The following SETX variants were observed in gnomAD, a reference collection of about 807,000 sequenced individuals.
SETX encodes helicase senataxin.
SETX carries 90 observed loss-of-function variants against 227.2 expected under a neutral mutation model. That is an observed-to-expected ratio of 0.40 (90% CI 0.33 to 0.47). The LOEUF (loss-of-function observed/expected upper bound fraction) is 0.47, where lower values mean the gene tolerates loss of function less well. SETX is among the 20% of genes least tolerant of loss of function. The probability of loss-of-function intolerance (pLI) is 0.91; values close to 1 mark genes in which losing one functional copy is unlikely to be tolerated. For missense variants in SETX, 3,052 were observed against 3,181.5 expected (o/e 0.96, Z 0.98); for synonymous variants, 1,210 against 1,113.2 (o/e 1.09, Z -1.73).
In SETX at chr9:132,346,305, A is replaced by T. The variant is rs1848284240; in HGVS notation, c.344T>A (p.Leu115His). The T allele has an allele frequency of 6.2e-7, 1 of 1,614,098 alleles. No individual in the cohort carries two copies. Among genetic ancestry groups the T allele is most frequent in the Non-Finnish European group, 8.5e-7 (1 of 1,179,988 alleles). ...CAAGTAAGGATATTTCAGTATTTCAAGAAGAGGAACTCGAAGCTTATTTTC... is the reference window on the plus strand; with the variant it reads ...CAAGTAAGGATATTTCAGTATTTCATGAAGAGGAACTCGAAGCTTATTTTC... ...DFENKLRVPL[L>H]EILKYPYLLL... The change falls in exon 4 of 26, where the codon CTT becomes CAT. Residue 115 changes from leucine to histidine, a missense_variant. By Grantham distance (99) the Leu-to-His change is moderately conservative. This residue lies in a region of SETX where 152 missense variants were observed against 156.2 expected (regional missense o/e 0.97). Transcript: ENST00000224140.
In SETX at chr9:132,326,469, T is replaced by C. The variant is rs377671955; in HGVS notation, c.5129A>G (p.Tyr1710Cys). The change falls in exon 10 of 26, where the codon TAT becomes TGT. Residue 1710 changes from tyrosine (Y) to cysteine (C), a missense_variant. Around this residue, in one of 10 missense-constraint regions of SETX, gnomAD observed 1,483 missense variants for 1,312.0 expected, o/e 1.13. Coordinates refer to ENST00000224140, the MANE Select transcript of SETX (RefSeq NM_015046.7). ...TFVKEVLKWK[Y>C]EMFLNFGQCG... ...CTGACCAAAGTTCAAAAACATTTCA[T>C]ATTTCCATTTTAAGACCTCTTTAAC... 3.7e-6 allele frequency: 6 copies of C among 1,614,264 alleles called. No individual in the cohort carries two copies. Among genetic ancestry groups the C allele is most frequent in the Non-Finnish European group, 2.5e-6 (3 of 1,180,044 alleles).
intron 11 of SETX, among the ~76,000 whole-genome samples, chr9:132,301,578 A>T (rs1844998751): frequency 6.6e-6 from 1 of 152,214 alleles, no homozygotes; most frequent in African/African-American, 2.4e-5. Context: ...GTTTAGATAC[A>T]CAAATACTTC....
intron 10 of SETX, among the ~76,000 whole-genome samples, chr9:132,315,664 T>A (rs2131372571): frequency 6.6e-6 from 1 of 152,340 alleles, no homozygotes; most frequent in South Asian, 2.1e-4. Flanking sequence ...TCTTTGTACA[T>A]CTGGTTTCCA....
At chr9:132,310,871 A>G (rs755042859) in intron 11 of SETX, among the ~76,000 whole-genome samples, 2 of 152,202 alleles carry the variant, frequency 1.3e-5, no homozygotes, top group African/African-American at 2.4e-5. Context: ...ATGAATAAAT[A>G]TATCTTCTCT....
At chr9:132,300,955 A>G in intron 11 of SETX, 152 bp from the exon 12 acceptor site, 2 of 620,534 alleles carry the variant, frequency 3.2e-6, no homozygotes, top group Non-Finnish European at 5.2e-6. Context: ...ATCTAATCCA[A>G]TCAAAAACTT....
At chr9:132,298,438 A>G in intron 12 of SETX, 126 bp from the exon 13 acceptor site, 1 of 843,076 alleles carries the variant, frequency 1.2e-6, no homozygotes, top group Non-Finnish European at 1.9e-6. Flanking sequence ...TTTACCCAGT[A>G]AATATTTATG....
intron 11 of SETX, among the ~76,000 whole-genome samples, chr9:132,303,972 A>C (rs1282516699): frequency 1.3e-5 from 2 of 152,120 alleles, no homozygotes; most frequent in African/African-American, 4.8e-5. Flanking sequence ...AAATACAAAA[A>C]TTAGTCAGGC....
At chr9:132,294,042 A>AAATT (rs1391978574) in intron 15 of SETX, among the ~76,000 whole-genome samples, 1 of 152,106 alleles carries the variant, frequency 6.6e-6, no homozygotes, top group Non-Finnish European at 1.5e-5. Context: ...ATAAATAAAT[A>AAATT]AATAAATATC....
chr9:132,342,659 T>C (rs756387969), intron 5 of SETX, 31 bp downstream of exon 5: 3 of 1,405,498 alleles, frequency 2.1e-6, no homozygotes, highest in Non-Finnish European at 3.0e-6. Flanking sequence ...AAGCACAATA[T>C]ACCCTTCTAT....
chr9:132,294,500 G>A (rs1844546298), intron 15 of SETX, among the ~76,000 whole-genome samples: 1 of 152,200 alleles, frequency 6.6e-6, no homozygotes, highest in African/African-American at 2.4e-5. Context: ...ATCAGAGACT[G>A]ACAATGTATT....
At chr9:132,342,573 AG>A in intron 5 of SETX, 116 bp downstream of exon 5, 1 of 863,724 alleles carries the variant, frequency 1.2e-6, no homozygotes, top group Non-Finnish European at 2.0e-6. Flanking sequence ...TAAATTTTAA[AG>A]CAAGAAAAAT....
intron 22 of SETX, among the ~76,000 whole-genome samples, chr9:132,276,612 G>T (rs1464320344): frequency 1.3e-5 from 2 of 152,142 alleles, no homozygotes; most frequent in Admixed American, 1.3e-4. Context: ...CCTCTTTGCT[G>T]TCATATACAG....
intron 4 of SETX, among the ~76,000 whole-genome samples, chr9:132,343,914 C>T (rs889385919): frequency 6.6e-6 from 1 of 152,036 alleles, no homozygotes; most frequent in Non-Finnish European, 1.5e-5. Flanking sequence ...AGTATGTTAT[C>T]CTACAGGGCA....
chr9:132,309,055 T>C (rs971639720), intron 11 of SETX, among the ~76,000 whole-genome samples: 1 of 152,124 alleles, frequency 6.6e-6, no homozygotes, highest in African/African-American at 2.4e-5. Context: ...GGAGAATTGC[T>C]TGAACCCGGG....
chr9:132,341,575 G>A (rs1039450800), intron 5 of SETX, among the ~76,000 whole-genome samples: 1 of 152,172 alleles, frequency 6.6e-6, no homozygotes, highest in African/African-American at 2.4e-5. Context: ...ATAAGGGCTA[G>A]GCAGACTCAG....
chr9:132,313,150 G>A (rs1845765086), intron 10 of SETX, among the ~76,000 whole-genome samples: 1 of 152,100 alleles, frequency 6.6e-6, no homozygotes, highest in Admixed American at 6.5e-5. Context: ...TCTAAAACTG[G>A]GTTGTGGTGA....
At chr9:132,285,581 A>G (rs1468590687) in intron 18 of SETX, among the ~76,000 whole-genome samples, 1 of 150,694 alleles carries the variant, frequency 6.6e-6, no homozygotes, top group Non-Finnish European at 1.5e-5. Context: ...CCCCATCTCT[A>G]TTAAAAATAC....
intron 10 of SETX, among the ~76,000 whole-genome samples, chr9:132,312,572 CTT>C (rs1416845822): frequency 6.6e-6 from 1 of 152,156 alleles, no homozygotes; most frequent in Non-Finnish European, 1.5e-5. Flanking sequence ...TCTGAAGAAA[CTT>C]ATCCTCAAAG....
At chr9:132,282,382 G>A (rs954881317) in intron 19 of SETX, among the ~76,000 whole-genome samples, 6 of 150,442 alleles carry the variant, frequency 4.0e-5, no homozygotes, top group South Asian at 2.1e-4. Flanking sequence ...ACCGCCTCCC[G>A]GGCTCAAGCA....
Sources: gnomAD v4.1 joint callset for allele counts (sites outside exome capture counted in the v4.1 genomes callset) on GRCh38, gnomAD v4.1.1 for gene constraint, gnomAD v4.1.1 regional missense constraint, MANE v1.5 for transcripts, NCBI Gene and HGNC (gene_info 2026-07-23, HGNC 2026-07-21) for gene names.